Variants in HM13 observed in about 807,000 individuals in gnomAD.
The protein encoded by HM13 is signal peptide peptidase.
A neutral mutation model predicts 50.0 loss-of-function variants in HM13; 18 were observed. The ratio of observed to expected loss-of-function variants is 0.36; its 90% CI spans 0.25 to 0.53. HM13 has a LOEUF of 0.53. HM13 is among the 20% of genes least tolerant of loss of function. HM13 has a pLI of 0.90. For missense variants in HM13, 393 were observed against 552.4 expected (o/e 0.71, Z 2.89); for synonymous variants, 197 against 232.6 (o/e 0.85, Z 1.39).
chr20:31,567,914 A>G, intron 11 of HM13, 164 bp from the exon 12 acceptor site: 1 of 638,098 alleles, frequency 1.6e-6, no homozygotes, highest in Non-Finnish European at 2.6e-6. Context: ...TTCTTTTTTC[A>G]TTCTCCAAAT....
chr20:31,566,055 T>C, intron 10 of HM13, 155 bp from the exon 11 acceptor site: 3 of 521,410 alleles, frequency 5.8e-6, no homozygotes, highest in Non-Finnish European at 6.8e-6. Context: ...GTCTGGGAGT[T>C]AGGAGCCCTG....
At chr20:31,543,186 G>A (rs950090607) in intron 3 of HM13, among the ~76,000 whole-genome samples, 1 of 152,188 alleles carries the variant, frequency 6.6e-6, no homozygotes, top group African/African-American at 2.4e-5. Context: ...CACCTGCTGC[G>A]CTTCTCTTCA....
chr20:31,534,945 G>C (rs1983026982), intron 2 of HM13, among the ~76,000 whole-genome samples: 1 of 152,132 alleles, frequency 6.6e-6, no homozygotes, highest in African/African-American at 2.4e-5. Flanking sequence ...AATTAGCCGG[G>C]CGTGGTGGCA....
intron 10 of HM13, among the ~76,000 whole-genome samples, chr20:31,565,140 T>G (rs1309182676): frequency 1.3e-4 from 19 of 140,898 alleles, no homozygotes; most frequent in Non-Finnish European, 2.0e-4. Context: ...CACTCCAGCC[T>G]GGGTGACAGA....
At chr20:31,557,593 T>A (rs892225495) in intron 8 of HM13, among the ~76,000 whole-genome samples, 3 of 152,178 alleles carry the variant, frequency 2.0e-5, no homozygotes, top group African/African-American at 7.2e-5. Flanking sequence ...TAACTGCAGT[T>A]GTCTGCTCTA....
intron 2 of HM13, among the ~76,000 whole-genome samples, chr20:31,529,969 T>TA (rs961800623): frequency 2.1e-4 from 30 of 144,544 alleles, no homozygotes; most frequent in South Asian, 2.2e-4. Context: ...CTGTCTCAAT[T>TA]AAAAAAAAAA....
At chr20:31,527,443 A>AACCAGCCTTGCAGGAACATATGGGT in intron 1 of HM13, 41 bp from the exon 2 acceptor site, 1 of 1,420,680 alleles carries the variant, frequency 7.0e-7, no homozygotes, top group Non-Finnish European at 9.9e-7. Context: ...AACATATGGG[A>AACCAGCCTTGCAGGAACATATGGGT]ACCAGCCGTG....
intron 6 of HM13, among the ~76,000 whole-genome samples, chr20:31,549,741 T>G (rs1054192192): frequency 3.3e-5 from 5 of 152,200 alleles, no homozygotes; most frequent in Non-Finnish European, 5.9e-5. Context: ...TCAGGTACCC[T>G]TTTCCTGGCC....
chr20:31,568,285 G>A, intron 12 of HM13, 61 bp downstream of exon 12: 2 of 1,583,978 alleles, frequency 1.3e-6, no homozygotes, highest in Non-Finnish European at 1.7e-6. Context: ...CCCAAGGTAG[G>A]GCAGACACTG....
chr20:31,539,291 CT>C, intron 3 of HM13: 1 of 985,496 alleles, frequency 1.0e-6, no homozygotes, highest in Non-Finnish European at 1.2e-6. Flanking sequence ...CAGTATGTTT[CT>C]TTCTGCCCCG....
At position 31,566,421 on chromosome 20, in the gene HM13, C is replaced by T. The variant is rs1984918386; in HGVS notation, c.1034+126C>T. 6.4e-6 allele frequency: 5 copies of T among 784,670 alleles called. No individual in the cohort carries two copies. The East Asian group carries it at 8.0e-5, about 13-fold the overall frequency. The allele number at this position is 784,670 out of a possible 1,614,324, so 48.6% of individuals were successfully genotyped here. On this transcript the variant is annotated intron_variant, in intron 11 of 12. Transcript: ENST00000398174. Reference sequence around the variant, plus strand: ...ATTGTTCCTGCCACCAGCCCCACCCCTTGCCTTTTTCAGCAGTACATGGGT... The same window carrying T: ...ATTGTTCCTGCCACCAGCCCCACCCTTTGCCTTTTTCAGCAGTACATGGGT...
At chr20:31,541,083 T>G (rs1012620889) in intron 3 of HM13, 1 of 152,164 alleles carries the variant, frequency 6.6e-6, no homozygotes, top group Admixed American at 6.5e-5. Flanking sequence ...CAGCTAAAAC[T>G]GCACATGGTA....
intron 3 of HM13, among the ~76,000 whole-genome samples, chr20:31,543,015 G>A (rs1443902742): frequency 3.9e-5 from 6 of 152,160 alleles, no homozygotes; most frequent in African/African-American, 1.4e-4. Context: ...GCTAAGATGG[G>A]CAGAGTTCTT....
At chr20:31,549,559 C>G (rs770589972) in intron 6 of HM13, among the ~76,000 whole-genome samples, 15 of 152,230 alleles carry the variant, frequency 9.9e-5, no homozygotes, top group Non-Finnish European at 2.1e-4. Flanking sequence ...TTCCGACCAC[C>G]TGCCTCTCTT....
intron 2 of HM13, among the ~76,000 whole-genome samples, chr20:31,537,141 G>A (rs1452166753): frequency 1.3e-5 from 2 of 152,258 alleles, no homozygotes; most frequent in African/African-American, 4.8e-5. Flanking sequence ...AGAGAGAAGA[G>A]AGGAGAACAT....
At position 31,562,874 on chromosome 20, in the gene HM13, C is replaced by T. The variant is rs182555505; in HGVS notation, c.948+1138C>T. Among the ~76,000 whole-genome samples, 78 of 152,282 alleles carry T rather than the reference C, an allele frequency of 5.1e-4. 2 individuals carry two copies. The South Asian group carries it at 0.014, about 28-fold the overall frequency. Reference sequence around the variant, plus strand: ...TGGCGTGTAAGGTGAGAGTAACATGCGTATGGCAAGGGTCACAGAGAGTGA... The same window carrying T: ...TGGCGTGTAAGGTGAGAGTAACATGTGTATGGCAAGGGTCACAGAGAGTGA... On this transcript the variant is annotated intron_variant, in intron 10 of 12. Transcript: ENST00000398174.
intron 3 of HM13, among the ~76,000 whole-genome samples, chr20:31,544,178 C>A (rs1456703393): frequency 6.6e-6 from 1 of 152,258 alleles, no homozygotes; most frequent in Admixed American, 6.5e-5. Context: ...GAGCAGGCCT[C>A]AGTGCTGGGC....
chr20:31,536,607 T>G (rs1300705931), intron 2 of HM13, among the ~76,000 whole-genome samples: 2 of 152,172 alleles, frequency 1.3e-5, no homozygotes, highest in Non-Finnish European at 2.9e-5. Flanking sequence ...GACTTTCCCA[T>G]GGCACTGCAG....
chr20:31,545,122 A>C, intron 4 of HM13, 87 bp downstream of exon 4: 6 of 1,005,326 alleles, frequency 6.0e-6, no homozygotes, highest in Non-Finnish European at 9.4e-6. Flanking sequence ...GGGTTCTCCA[A>C]TAGAGCAACT....
Sources: allele counts gnomAD v4.1 joint callset (sites outside exome capture counted in the v4.1 genomes callset), GRCh38; gene constraint gnomAD v4.1.1; transcripts MANE v1.5; gene names NCBI Gene and HGNC (gene_info 2026-07-23, HGNC 2026-07-21).